Variants in ISM2 observed in about 807,000 individuals in gnomAD.
The protein encoded by ISM2 is isthmin-2.
In ISM2, 50 loss-of-function variants were observed where a neutral mutation model predicts 58.0. That is an observed-to-expected ratio of 0.86 (90% CI 0.69 to 1.09). ISM2 has a LOEUF of 1.09. Among genes scored for constraint, ISM2 ranks in the 50% least tolerant of loss-of-function variants. The pLI, the probability that ISM2 is intolerant of heterozygous loss-of-function variation, is 0.00. For missense variants in ISM2, 723 were observed against 745.0 expected (o/e 0.97, Z 0.34); for synonymous variants, 303 against 312.4 (o/e 0.97, Z 0.32).
intron 4 of ISM2, among the ~76,000 whole-genome samples, 196 bp from the exon 5 acceptor site, chr14:77,478,911 C>T (rs142903426): frequency 6.6e-6 from 1 of 152,262 alleles, no homozygotes; most frequent in African/African-American, 2.4e-5. Flanking sequence ...ATAACCTGTG[C>T]AAATATATCA....
At chr14:77,488,441 T>C (rs1367565221) in intron 1 of ISM2, among the ~76,000 whole-genome samples, 1 of 152,156 alleles carries the variant, frequency 6.6e-6, no homozygotes, top group Admixed American at 6.5e-5. Flanking sequence ...TAACCCCTTG[T>C]GGGCCACCAC....
chr14:77,487,797 C>T (rs972900776), intron 1 of ISM2, among the ~76,000 whole-genome samples: 6 of 152,140 alleles, frequency 3.9e-5, no homozygotes, highest in South Asian at 2.1e-4. Context: ...GAAGGGGAGG[C>T]GGCAGTCAAG....
At chr14:77,493,865 G>A (rs938957556) in intron 1 of ISM2, among the ~76,000 whole-genome samples, 15 of 151,196 alleles carry the variant, frequency 9.9e-5, no homozygotes, top group African/African-American at 3.2e-4. Context: ...TCGGTCTCCC[G>A]GGTTCACGCC....
At chr14:77,494,818 T>A (rs1057257256) in intron 1 of ISM2, among the ~76,000 whole-genome samples, 1 of 152,190 alleles carries the variant, frequency 6.6e-6, no homozygotes, top group Admixed American at 6.6e-5. Flanking sequence ...TGAAGACTCA[T>A]GGAACGATGT....
In ISM2 at chr14:77,498,736, G is replaced by C. The variant is rs1428799434; in HGVS notation, c.58C>G (p.Leu20Val). 6.7e-7 allele frequency: 1 copy of C among 1,482,310 alleles called. No individual in the cohort carries two copies. Among genetic ancestry groups the C allele is most frequent in the Non-Finnish European group, 8.9e-7 (1 of 1,125,040 alleles). The allele number at this position is 1,482,310 out of a possible 1,614,324, so 91.8% of individuals were successfully genotyped here. A position where few individuals can be genotyped will look rare whatever the true frequency, so the allele number is the denominator to read the frequency against. Reference protein sequence around the residue: ...LLLCVLLLAALLEAALGLPVK... With the variant: ...LLLCVLLLAAVLEAALGLPVK... Reference sequence around the variant, plus strand: ...GGGAGCCCTAGCGCCGCCTCCAGCAGCGCCGCCAGCAGCAGCACGCAGAGG... The same window carrying C: ...GGGAGCCCTAGCGCCGCCTCCAGCACCGCCGCCAGCAGCAGCACGCAGAGG... The change falls in exon 1 of 7, where the codon CTG (leucine) becomes GTG (valine). Residue 20 changes from leucine (L) to valine (V), a missense_variant. Transcript: ENST00000342219.
intron 1 of ISM2, among the ~76,000 whole-genome samples, chr14:77,487,634 C>T (rs935926012): frequency 9.2e-5 from 14 of 152,172 alleles, no homozygotes; most frequent in African/African-American, 3.4e-4. Flanking sequence ...TCAGCCCTTG[C>T]GGAACTCCTG....
chr14:77,496,493 A>G (rs78612788), intron 1 of ISM2, among the ~76,000 whole-genome samples: 1 of 150,580 alleles, frequency 6.6e-6, no homozygotes, highest in African/African-American at 2.4e-5. Context: ...CGTCTCCGGG[A>G]AAAAAAATAG....
intron 1 of ISM2, among the ~76,000 whole-genome samples, chr14:77,487,037 T>A (rs934509414): frequency 6.6e-6 from 1 of 150,716 alleles, no homozygotes; most frequent in Admixed American, 6.6e-5. Context: ...AGGTCGGGAG[T>A]TTGAGACCAG....
rs1594945058 is a variant in ISM2, at chr14:77,476,188, G to C, written c.1199-76C>G. 4.8e-6 allele frequency: 7 copies of C among 1,453,084 alleles called. No individual in the cohort carries two copies. In the East Asian group the frequency reaches 1.6e-4, roughly 34 times the overall value. 90.0% of individuals were successfully genotyped at this position (1,453,084 alleles called of 1,614,324 possible). A position where few individuals can be genotyped will look rare whatever the true frequency, so the allele number is the denominator to read the frequency against. On this transcript the variant is annotated intron_variant, in intron 6 of 6. Transcript: ENST00000342219. Reference sequence around the variant, plus strand: ...CGTGTGGGGCGGGGACTGATTAAGGGCCAGTGCATGGGGAGAGAAGGCCCA... The same window carrying C: ...CGTGTGGGGCGGGGACTGATTAAGGCCCAGTGCATGGGGAGAGAAGGCCCA...
intron 3 of ISM2, 96 bp from the exon 4 acceptor site, chr14:77,482,763 C>T: frequency 1.4e-6 from 1 of 733,238 alleles, no homozygotes; most frequent in Non-Finnish European, 2.2e-6. Flanking sequence ...AGGTGAGAGG[C>T]CCAACCTTTC....
chr14:77,488,199 T>C (rs1486080631), intron 1 of ISM2, among the ~76,000 whole-genome samples: 2 of 152,196 alleles, frequency 1.3e-5, no homozygotes, highest in Admixed American at 6.5e-5. Flanking sequence ...TGATACATTA[T>C]AGGAGCCCGA....
intron 1 of ISM2, among the ~76,000 whole-genome samples, chr14:77,493,965 G>T (rs2079223301): frequency 6.6e-6 from 1 of 150,792 alleles, no homozygotes; most frequent in Non-Finnish European, 1.5e-5. Flanking sequence ...TTTTAGTAGA[G>T]ATGGGGTTTC....
In ISM2 at chr14:77,484,233, A is replaced by G. The variant is rs2079151319; in HGVS notation, c.627+90T>C. On this transcript the variant is annotated intron_variant, in intron 3 of 6. Coordinates refer to ENST00000342219, the MANE Select transcript of ISM2 (RefSeq NM_199296.3). ...ACACAGCAGCCCCACCCTCCACGGA[A>G]TCCAGGATATAGGGTATCCTGAGCC... The G allele has an allele frequency of 4.7e-6, 7 of 1,493,476 alleles. No homozygotes were observed. The South Asian group carries it at 9.1e-5, about 19-fold the overall frequency. 92.5% of individuals were successfully genotyped at this position (1,493,476 alleles called of 1,614,324 possible).
At chr14:77,498,502 C>T in intron 1 of ISM2, 151 bp downstream of exon 1, 2 of 1,254,744 alleles carry the variant, frequency 1.6e-6, no homozygotes, top group South Asian at 1.4e-5. Context: ...CGCCCGGTGT[C>T]CGGGAGCTTC....
chr14:77,482,273 C>T (rs2079136523), intron 4 of ISM2, 49 bp downstream of exon 4: 2 of 1,429,964 alleles, frequency 1.4e-6, no homozygotes, highest in Non-Finnish European at 9.6e-7. Context: ...CATTTCCACT[C>T]AGTACCTACA....
At chr14:77,490,701 T>C (rs1365554794) in intron 1 of ISM2, among the ~76,000 whole-genome samples, 1 of 152,240 alleles carries the variant, frequency 6.6e-6, no homozygotes, top group African/African-American at 2.4e-5. Context: ...CTATACAGGA[T>C]GTTCAACTCT....
At chr14:77,484,243 T>C (rs1265885182) in intron 3 of ISM2, 80 bp downstream of exon 3, 3 of 1,522,272 alleles carry the variant, frequency 2.0e-6, no homozygotes, top group Non-Finnish European at 2.7e-6. Context: ...ATCCAGGATA[T>C]AGGGTATCCT....
chr14:77,475,836 C>T lies in ISM2; in HGVS notation c.1475G>A (p.Cys492Tyr). ...CAGCCGGCTGTCCTCGTCATAGCAGCAGTGCTGGGCGGCCAGTGTGCTGCT... is the reference window on the plus strand; with the variant it reads ...CAGCCGGCTGTCCTCGTCATAGCAGTAGTGCTGGGCGGCCAGTGTGCTGCT... Reference protein sequence around the residue: ...GESSTLAAQHCCYDEDSRLLT... With the variant: ...GESSTLAAQHYCYDEDSRLLT... Residue 492 changes from cysteine to tyrosine, a missense_variant, in exon 7 of 7, where the codon TGC becomes TAC. Transcript: ENST00000342219. This position sits in a 1 kb window ranked among gnomAD's most constrained non-coding sequence, Gnocchi z 4.1. The T allele has an allele frequency of 6.2e-7, 1 of 1,611,522 alleles. No homozygotes were observed. Among genetic ancestry groups the T allele is most frequent in the South Asian group, 1.1e-5 (1 of 91,032 alleles).
Position 77,475,471 on chromosome 14 carries a change from C to T in ISM2, c.*124G>A, listed in dbSNP as rs1229446997. ...CTGGCAGAGGGCACACAGCCTCGGACCAACCTCACTGGGGGAGCCCTTTCC... is the reference window on the plus strand; with the variant it reads ...CTGGCAGAGGGCACACAGCCTCGGATCAACCTCACTGGGGGAGCCCTTTCC... On this transcript the variant is annotated 3_prime_UTR_variant, in exon 7 of 7. Coordinates refer to ENST00000342219, the MANE Select transcript of ISM2 (RefSeq NM_199296.3). This position sits in a 1 kb window ranked among gnomAD's most constrained non-coding sequence, Gnocchi z 4.1. The T allele has an allele frequency of 9.3e-7, 1 of 1,071,326 alleles. No individual in the cohort carries two copies. Among genetic ancestry groups the T allele is most frequent in the Non-Finnish European group, 1.3e-6 (1 of 746,984 alleles). The allele number at this position is 1,071,326 out of a possible 1,614,324, so 66.4% of individuals were successfully genotyped here.
Sources: allele counts gnomAD v4.1 joint callset (sites outside exome capture counted in the v4.1 genomes callset), GRCh38; gene constraint gnomAD v4.1.1; non-coding constraint Gnocchi (gnomAD v3.1); transcripts MANE v1.5; gene names NCBI Gene and HGNC (gene_info 2026-07-23, HGNC 2026-07-21).